The following CPNE8 variants were observed in gnomAD, a reference collection of about 807,000 sequenced individuals.
CPNE8 encodes copine-8.
A neutral mutation model predicts 81.5 loss-of-function variants in CPNE8; 45 were observed. That is an observed-to-expected ratio of 0.55 (90% CI 0.44 to 0.71). The LOEUF is 0.71. Ranked by LOEUF, CPNE8 falls within the 30% of genes least tolerant of loss-of-function variation. The pLI is 0.00. For missense variants in CPNE8, 594 were observed against 672.1 expected (o/e 0.88, Z 1.28); for synonymous variants, 252 against 226.3 (o/e 1.11, Z -1.02).
chr12:38,844,445 A>T (rs1433360169), intron 4 of CPNE8, among the ~76,000 whole-genome samples: 1 of 152,196 alleles, frequency 6.6e-6, no homozygotes, highest in Non-Finnish European at 1.5e-5. Context: ...AAAATAAATA[A>T]ATGTCAAAGT....
At chr12:38,660,056 T>C (rs554415456) in intron 19 of CPNE8, among the ~76,000 whole-genome samples, 1 of 152,304 alleles carries the variant, frequency 6.6e-6, no homozygotes, top group African/African-American at 2.4e-5. Flanking sequence ...AATTTATAGA[T>C]TCAATGCCAT....
At chr12:38,681,208 A>T (rs1449485686) in intron 16 of CPNE8, among the ~76,000 whole-genome samples, 1 of 152,098 alleles carries the variant, frequency 6.6e-6, no homozygotes, top group Non-Finnish European at 1.5e-5. Flanking sequence ...ATTCTAGATG[A>T]ATAGAAATTT....
chr12:38,746,093 A>G (rs942275525), intron 10 of CPNE8, among the ~76,000 whole-genome samples: 5 of 152,170 alleles, frequency 3.3e-5, no homozygotes, highest in African/African-American at 1.2e-4. Flanking sequence ...CAATTTCAAT[A>G]TATTTTCTCT....
intron 2 of CPNE8, among the ~76,000 whole-genome samples, chr12:38,873,979 C>T (rs1304192832): frequency 6.0e-5 from 9 of 148,918 alleles, no homozygotes; most frequent in Non-Finnish European, 1.2e-4. Flanking sequence ...TTTTAAGAGA[C>T]GGGGTTGGGT....
intron 11 of CPNE8, among the ~76,000 whole-genome samples, chr12:38,728,305 T>A (rs1940750603): frequency 1.3e-5 from 2 of 152,072 alleles, no homozygotes. Flanking sequence ...CTATTACAAA[T>A]ATATTGAAAG....
At chr12:38,759,840 G>T (rs935712708) in intron 10 of CPNE8, among the ~76,000 whole-genome samples, 7 of 152,186 alleles carry the variant, frequency 4.6e-5, no homozygotes, top group Non-Finnish European at 8.8e-5. Flanking sequence ...ATGTGGCTCT[G>T]CAACTGAGCA....
intron 18 of CPNE8, among the ~76,000 whole-genome samples, chr12:38,672,537 A>G (rs1300856733): frequency 6.6e-6 from 1 of 152,196 alleles, no homozygotes; most frequent in African/African-American, 2.4e-5. Context: ...AAGGTGTATG[A>G]GACAGATTTG....
At chr12:38,833,699 C>T (rs1326961471) in intron 5 of CPNE8, among the ~76,000 whole-genome samples, 16 of 151,864 alleles carry the variant, frequency 1.1e-4, no homozygotes, top group Admixed American at 9.2e-4. Context: ...AGGATGGTCT[C>T]GATCTCCTGA....
intron 6 of CPNE8, among the ~76,000 whole-genome samples, chr12:38,799,057 C>T (rs867801604): frequency 6.6e-6 from 1 of 152,072 alleles, no homozygotes; most frequent in Non-Finnish European, 1.5e-5. Flanking sequence ...AGCAAGTCCT[C>T]AGTGACCTAC....
intron 5 of CPNE8, among the ~76,000 whole-genome samples, chr12:38,831,834 C>CT (rs1335252344): frequency 1.3e-5 from 2 of 152,074 alleles, no homozygotes; most frequent in African/African-American, 4.8e-5. Flanking sequence ...CACACAAGGG[C>CT]GATTCCAGAA....
chr12:38,669,009 A>G lies in CPNE8; in HGVS notation c.1506+1720T>C, dbSNP rs1389083242. 2.0e-5 allele frequency among the ~76,000 whole-genome samples: 3 copies of G among 151,594 alleles called. No homozygotes were observed. In the East Asian group the frequency reaches 5.9e-4, roughly 30 times the overall value. ...ACGGAGCTTGCAGTGAGCCGAGATC[A>G]CACCACTGCACTCCAGCCTGGGCAA... is the stretch of plus-strand genomic sequence containing the variant. On this transcript the variant is annotated intron_variant, in intron 19 of 19. Transcript: ENST00000331366.
intron 3 of CPNE8, among the ~76,000 whole-genome samples, chr12:38,870,810 A>G (rs569251834): frequency 4.6e-5 from 7 of 150,914 alleles, no homozygotes; most frequent in Non-Finnish European, 8.9e-5. Context: ...ATAAATAAAT[A>G]AATAAAAATA....
chr12:38,657,786 C>A (rs1240839387), intron 19 of CPNE8, among the ~76,000 whole-genome samples: 1 of 152,148 alleles, frequency 6.6e-6, no homozygotes, highest in Non-Finnish European at 1.5e-5. Context: ...CCAGCAAACT[C>A]TAAAAGACCT....
At chr12:38,816,776 G>A (rs1408517066) in intron 6 of CPNE8, among the ~76,000 whole-genome samples, 1 of 152,140 alleles carries the variant, frequency 6.6e-6, no homozygotes, top group Non-Finnish European at 1.5e-5. Context: ...TCCATGTTTA[G>A]AATCTTTCAT....
chr12:38,851,033 C>T (rs1943637458), intron 3 of CPNE8, among the ~76,000 whole-genome samples: 1 of 152,212 alleles, frequency 6.6e-6, no homozygotes, highest in Non-Finnish European at 1.5e-5. Context: ...ATCATTTGCC[C>T]TTCCGTCTTC....
intron 3 of CPNE8, among the ~76,000 whole-genome samples, chr12:38,863,810 T>C (rs1036031045): frequency 5.3e-5 from 8 of 152,206 alleles, no homozygotes; most frequent in Admixed American, 3.9e-4. Context: ...CCCAGCACTT[T>C]GGGAGGCCGA....
intron 19 of CPNE8, among the ~76,000 whole-genome samples, chr12:38,668,343 A>C (rs983671041): frequency 6.6e-6 from 1 of 152,178 alleles, no homozygotes; most frequent in African/African-American, 2.4e-5. Flanking sequence ...GTCCTATCTC[A>C]ATATTCTGTT....
At chr12:38,864,524 A>T (rs182470782) in intron 3 of CPNE8, among the ~76,000 whole-genome samples, 70 of 152,328 alleles carry the variant, frequency 4.6e-4, no homozygotes, top group African/African-American at 1.6e-3. Flanking sequence ...ACAGTATGGT[A>T]TTACACAATA....
At chr12:38,868,742 T>C (rs1027438247) in intron 3 of CPNE8, among the ~76,000 whole-genome samples, 2 of 152,220 alleles carry the variant, frequency 1.3e-5, no homozygotes, top group African/African-American at 4.8e-5. Context: ...ATTTTTTGTT[T>C]TCTCTTGAAC....
Sources: allele counts gnomAD v4.1 joint callset (sites outside exome capture counted in the v4.1 genomes callset), GRCh38; gene constraint gnomAD v4.1.1; transcripts MANE v1.5; gene names NCBI Gene and HGNC (gene_info 2026-07-23, HGNC 2026-07-21).